Variants in OR2L13 observed in about 807,000 individuals in gnomAD.
OR2L13 encodes the protein olfactory receptor family 2 subfamily L member 13.
A neutral mutation model predicts 15.3 loss-of-function variants in OR2L13; 14 were observed. That is an observed-to-expected ratio of 0.91 (90% CI 0.60 to 1.43). The LOEUF is 1.43. Ranked by LOEUF, OR2L13 falls within the 40% of genes most tolerant of loss-of-function variation. The probability of loss-of-function intolerance (pLI) is 0.00; values close to 1 mark genes in which losing one functional copy is unlikely to be tolerated. For missense variants in OR2L13, 367 were observed against 387.9 expected, an observed-to-expected ratio of 0.95 and a Z score of 0.45; for synonymous variants, 152 against 142.9, an observed-to-expected ratio of 1.06 and a Z score of -0.45.
At chr1:248,070,945 A>G in the OR2L13 span, among the ~76,000 whole-genome samples, 2 of 152,220 alleles carry the variant, frequency 1.3e-5, no homozygotes, top group African/African-American at 2.4e-5. Flanking sequence ...GAATCTCTGA[A>G]TAGACTGATA....
the OR2L13 span, among the ~76,000 whole-genome samples, chr1:248,075,763 A>T: frequency 6.6e-6 from 1 of 152,220 alleles, no homozygotes; most frequent in African/African-American, 2.4e-5. Flanking sequence ...GCCCTTTGTC[A>T]GATGGGTAGA....
the OR2L13 span, among the ~76,000 whole-genome samples, chr1:247,946,512 A>G: frequency 1.3e-5 from 2 of 152,204 alleles, no homozygotes; most frequent in Non-Finnish European, 2.9e-5. Flanking sequence ...CAAGTAATGC[A>G]TAGACATAGT....
the OR2L13 span, among the ~76,000 whole-genome samples, chr1:247,999,066 C>G: frequency 2.6e-5 from 4 of 152,036 alleles, no homozygotes; most frequent in Non-Finnish European, 5.9e-5. Flanking sequence ...AGTGATACAC[C>G]CAGTCAAGTA....
At chr1:247,940,063 A>G in the OR2L13 span, among the ~76,000 whole-genome samples, 2 of 152,190 alleles carry the variant, frequency 1.3e-5, no homozygotes, top group Non-Finnish European at 2.9e-5. Flanking sequence ...ACTTGAAATT[A>G]CCATTATTCA....
the OR2L13 span, among the ~76,000 whole-genome samples, chr1:248,030,803 A>G: frequency 6.6e-6 from 1 of 152,306 alleles, no homozygotes; most frequent in Middle Eastern, 3.4e-3. Context: ...GAATCACGGA[A>G]CAATCCTGAC....
chr1:248,088,533 G>T, the OR2L13 span, among the ~76,000 whole-genome samples: 3 of 152,214 alleles, frequency 2.0e-5, no homozygotes, highest in Admixed American at 6.5e-5. Flanking sequence ...GAGAGTGTCT[G>T]GCCCATAGTA....
At chr1:247,961,078 C>T in the OR2L13 span, among the ~76,000 whole-genome samples, 1 of 152,204 alleles carries the variant, frequency 6.6e-6, no homozygotes, top group Non-Finnish European at 1.5e-5. Context: ...GCCATCTTGG[C>T]TCCACCTCCA....
At chr1:248,085,770 A>T in the OR2L13 span, among the ~76,000 whole-genome samples, 1 of 152,120 alleles carries the variant, frequency 6.6e-6, no homozygotes, top group South Asian at 2.1e-4. Context: ...GGGTTGTGGG[A>T]GAGGGGATGC....
chr1:247,980,600 T>A, the OR2L13 span, among the ~76,000 whole-genome samples: 3 of 152,204 alleles, frequency 2.0e-5, no homozygotes, highest in Admixed American at 2.0e-4. Flanking sequence ...AAATACATTA[T>A]CATAACTCAT....
chr1:247,977,681 CAGGT>C, the OR2L13 span, among the ~76,000 whole-genome samples: 1 of 152,192 alleles, frequency 6.6e-6, no homozygotes, highest in Non-Finnish European at 1.5e-5. Context: ...GCTTAAAAGT[CAGGT>C]AGCCCTTCTC....
chr1:248,056,207 A>G, the OR2L13 span, among the ~76,000 whole-genome samples: 2 of 152,068 alleles, frequency 1.3e-5, no homozygotes, highest in Non-Finnish European at 2.9e-5. Flanking sequence ...GTTTTAGGGT[A>G]CATGTGTACA....
At chr1:247,973,691 T>G in the OR2L13 span, among the ~76,000 whole-genome samples, 6,969 of 152,266 alleles carry the variant, frequency 0.046, 497 homozygotes, top group African/African-American at 0.16. Context: ...TCATTATCAC[T>G]AGTCATTAGA....
the OR2L13 span, among the ~76,000 whole-genome samples, chr1:248,019,203 A>G: frequency 2.0e-5 from 3 of 152,324 alleles, no homozygotes; most frequent in African/African-American, 4.8e-5. Context: ...AGAAATTACT[A>G]TACAGATGGT....
chr1:247,983,738 AAC>A, the OR2L13 span, among the ~76,000 whole-genome samples: 1 of 152,206 alleles, frequency 6.6e-6, no homozygotes, highest in Non-Finnish European at 1.5e-5. Flanking sequence ...GAGATATTGT[AAC>A]ATCACAGAAC....
chr1:248,003,759 T>C, the OR2L13 span: 1 of 1,613,916 alleles, frequency 6.2e-7, no homozygotes, highest in Non-Finnish European at 8.5e-7. Context: ...GTGTTTCCCT[T>C]CATTGCTATT....
the OR2L13 span, among the ~76,000 whole-genome samples, chr1:247,958,265 T>G: frequency 6.6e-6 from 1 of 152,346 alleles, no homozygotes; most frequent in East Asian, 1.9e-4. Flanking sequence ...AGTGAGTTTT[T>G]TAACCCCAAG....
the OR2L13 span, among the ~76,000 whole-genome samples, chr1:248,079,165 A>G: frequency 6.6e-6 from 1 of 152,196 alleles, no homozygotes; most frequent in African/African-American, 2.4e-5. Context: ...AGTTAATAGT[A>G]TTCTACCAAA....
chr1:248,053,609 A>T, the OR2L13 span, among the ~76,000 whole-genome samples: 1 of 152,058 alleles, frequency 6.6e-6, no homozygotes, highest in Non-Finnish European at 1.5e-5. Context: ...TCACAGCCTC[A>T]CTAGCATCTG....
At chr1:248,086,018 A>C in the OR2L13 span, among the ~76,000 whole-genome samples, 9 of 145,674 alleles carry the variant, frequency 6.2e-5, no homozygotes, top group Admixed American at 4.0e-4. Flanking sequence ...CTTTCTAAAA[A>C]GATTACTAAA....
Sources: allele counts gnomAD v4.1 joint callset (sites outside exome capture counted in the v4.1 genomes callset), GRCh38; gene constraint gnomAD v4.1.1; transcripts MANE v1.5; gene names NCBI Gene and HGNC (gene_info 2026-07-23, HGNC 2026-07-21).